The following TTPA variants were observed in gnomAD, a reference collection of about 807,000 sequenced individuals.
The protein encoded by TTPA is alpha-tocopherol transfer protein.
TTPA carries 23 observed loss-of-function variants against 25.9 expected under a neutral mutation model. The observed-to-expected ratio is 0.89, with a 90% CI of 0.64 to 1.26. The LOEUF (loss-of-function observed/expected upper bound fraction) is 1.26. TTPA is among the 50% of genes most tolerant of loss of function. The pLI is 0.00. For synonymous variants in TTPA, 148 were observed against 137.3 expected (o/e 1.08, Z -0.54); for missense variants, 337 against 353.1 (o/e 0.95, Z 0.37).
At chr8:63,080,549 G>A (rs1360328645) in intron 1 of TTPA, among the ~76,000 whole-genome samples, 7 of 151,798 alleles carry the variant, frequency 4.6e-5, no homozygotes, top group South Asian at 4.2e-4. Context: ...GTGAAACCCC[G>A]TCTCTACTAA....
intron 2 of TTPA, among the ~76,000 whole-genome samples, chr8:63,069,151 C>T (rs1343270863): frequency 2.6e-5 from 4 of 151,704 alleles, no homozygotes; most frequent in Non-Finnish European, 5.9e-5. Context: ...AAGACTCTGT[C>T]TCAAAAAAAC....
In TTPA at chr8:63,061,427, T is replaced by C; in HGVS notation, c.664-2A>G. 6.2e-7 allele frequency: 1 copy of C among 1,613,872 alleles called. No individual in the cohort carries two copies. Among genetic ancestry groups the C allele is most frequent in the Non-Finnish European group, 8.5e-7 (1 of 1,179,922 alleles). ...GTAGTTGTTCCCATGCATGTGAATC[T>C]GAAATAGCCAAAACACTTTAGAAGG... On this transcript the variant is annotated splice_acceptor_variant, in intron 4 of 4. Coordinates refer to ENST00000260116, the MANE Select transcript of TTPA (RefSeq NM_000370.3). LOFTEE classifies it high-confidence loss of function.
chr8:63,059,897 G>C lies in TTPA; in HGVS notation c.*1355C>G, dbSNP rs1805276783. 1 of 151,836 alleles carries C rather than the reference G, an allele frequency of 6.6e-6. No individual in the cohort carries two copies. The highest frequency in any genetic ancestry group is 2.1e-4 in the South Asian group (1 of 4,806). The allele number at this position is 151,836 out of a possible 1,614,324, so 9.4% of individuals were successfully genotyped here. On this transcript the variant is annotated 3_prime_UTR_variant, in exon 5 of 5. Coordinates refer to ENST00000260116, the MANE Select transcript of TTPA (RefSeq NM_000370.3). ...AATAGAGACAGGGTCTCCCTGTATTGCCCAGGCTGGTCTAGAACTCCTGCG... is the reference window on the plus strand; with the variant it reads ...AATAGAGACAGGGTCTCCCTGTATTCCCCAGGCTGGTCTAGAACTCCTGCG...
At chr8:63,079,407 G>C (rs1422555085) in intron 1 of TTPA, among the ~76,000 whole-genome samples, 2 of 152,082 alleles carry the variant, frequency 1.3e-5, no homozygotes, top group African/African-American at 4.8e-5. Context: ...AAAGAGTCAA[G>C]ACCCATCAGA....
chr8:63,082,025 A>G (rs548036658), intron 1 of TTPA, among the ~76,000 whole-genome samples: 84 of 152,334 alleles, frequency 5.5e-4, no homozygotes, highest in African/African-American at 1.9e-3. Flanking sequence ...TTCCATGCTC[A>G]TGGGTAGGAA....
chr8:63,076,684 A>G (rs1244765259), intron 1 of TTPA, among the ~76,000 whole-genome samples: 1 of 152,222 alleles, frequency 6.6e-6, no homozygotes, highest in Non-Finnish European at 1.5e-5. Flanking sequence ...AAAGCAGCTA[A>G]AATGAAATTA....
chr8:63,080,893 A>G (rs2129783228), intron 1 of TTPA, among the ~76,000 whole-genome samples: 1 of 152,126 alleles, frequency 6.6e-6, no homozygotes, highest in East Asian at 1.9e-4. Flanking sequence ...TGGAAAATCT[A>G]GAAGAAATGG....
Position 63,065,886 on chromosome 8 carries a change from G to A in TTPA, c.552+18C>T, listed in dbSNP as rs200236627. 3 of 1,612,806 alleles carry A rather than the reference G, an allele frequency of 1.9e-6. No homozygotes were observed. Among genetic ancestry groups the A allele is most frequent in the African/African-American group, 2.7e-5 (2 of 74,992 alleles). On this transcript the variant is annotated intron_variant, in intron 3 of 4. Coordinates refer to ENST00000260116, the MANE Select transcript of TTPA (RefSeq NM_000370.3). Reference sequence around the variant, plus strand: ...TAATTTGGAAGTATTATGCCTGACAGTTAAAATATACATTTACCGTAAGTA... The same window carrying A: ...TAATTTGGAAGTATTATGCCTGACAATTAAAATATACATTTACCGTAAGTA...
In TTPA at chr8:63,065,956, T is replaced by A; in HGVS notation, c.500A>T (p.His167Leu). ...IFDLEGWQFS[H>L]AFQITPSVAK... ...TACGGATGGAGTGATTTGAAAAGCA[T>A]GAGAAAACTGCCAACCTTCCAGATC... Residue 167 changes from histidine (H) to leucine (L), a missense_variant, in exon 3 of 5, where the codon CAT becomes CTT. His to Leu is a moderately conservative substitution (Grantham distance 99, BLOSUM62 -3). Transcript: ENST00000260116. 6.2e-7 allele frequency: 1 copy of A among 1,613,706 alleles called. No homozygotes were observed. Among genetic ancestry groups the A allele is most frequent in the Non-Finnish European group, 8.5e-7 (1 of 1,179,632 alleles).
rs1431178085 is a variant in TTPA at position 63,061,260 on chromosome 8, T to G, written c.829A>C (p.Ile277Leu). The G allele has an allele frequency of 1.2e-6, 2 of 1,613,590 alleles. No individual in the cohort carries two copies. The highest frequency in any genetic ancestry group is 1.7e-6 in the Non-Finnish European group (2 of 1,179,894). Reference sequence around the variant, plus strand: ...TCACATGACATAACTTCTCATTGAATGCTCTCAGAAATGCTGCTGAGATAA... The same window carrying G: ...TCACATGACATAACTTCTCATTGAAGGCTCTCAGAAATGCTGCTGAGATAA... ...EDYLSSISES[I>L]Q The change falls in exon 5 of 5, where the codon ATT (isoleucine) becomes CTT (leucine). Residue 277 changes from isoleucine to leucine, a missense_variant. Transcript: ENST00000260116.
chr8:63,072,957 G>A lies in TTPA; in HGVS notation c.336C>T (p.Ser112=). The A allele has an allele frequency of 6.2e-7, 1 of 1,614,052 alleles. No individual in the cohort carries two copies. The highest frequency in any genetic ancestry group is 8.5e-7 in the Non-Finnish European group (1 of 1,180,002). Residue 112 remains serine (S), a synonymous_variant, in exon 2 of 5, where the codon AGC becomes AGT. Transcript: ENST00000260116. The part of the protein sequence containing the change: ...GVLRSRDPTG[S]KVLIYRIAHW... ...TACCGATTCTGTAAATAAGAACTTT[G>A]CTGCCAGTGGGATCCCTGGATCTCA...
At chr8:63,070,443 C>T (rs1805465968) in intron 2 of TTPA, among the ~76,000 whole-genome samples, 2 of 152,082 alleles carry the variant, frequency 1.3e-5, no homozygotes, top group Non-Finnish European at 2.9e-5. Flanking sequence ...TCTTTAGCTC[C>T]TCCCATTAAT....
chr8:63,076,065 A>G (rs1379659039), intron 1 of TTPA, among the ~76,000 whole-genome samples: 1 of 152,212 alleles, frequency 6.6e-6, no homozygotes, highest in East Asian at 1.9e-4. Flanking sequence ...TGTATTTGAC[A>G]GCGCAGGCTC....
intron 4 of TTPA, among the ~76,000 whole-genome samples, chr8:63,062,496 C>T (rs1209176645): frequency 6.6e-6 from 1 of 152,074 alleles, no homozygotes; most frequent in East Asian, 1.9e-4. Flanking sequence ...TTAGGAAACT[C>T]ACAAAGCCAA....
In TTPA at chr8:63,061,409, T is replaced by C. The variant is rs1225709120; in HGVS notation, c.680A>G (p.Asn227Ser). ...CTGAAGCAAGCTTTGTTTGTAGTTG[T>C]TCCCATGCATGTGAATCTGAAATAG... is the stretch of plus-strand genomic sequence containing the variant. ...KIKERIHMHG[N>S]NYKQSLLQHF... The change falls in exon 5 of 5, where the codon AAC becomes AGC. Residue 227 changes from asparagine to serine, a missense_variant. By Grantham distance (46) the Asn-to-Ser change is conservative (BLOSUM62 1). Coordinates refer to ENST00000260116, the MANE Select transcript of TTPA (RefSeq NM_000370.3). 3 of 1,613,956 alleles carry C rather than the reference T, an allele frequency of 1.9e-6. No individual in the cohort carries two copies. Among genetic ancestry groups the C allele is most frequent in the Non-Finnish European group, 2.5e-6 (3 of 1,179,938 alleles).
At chr8:63,070,768 C>A (rs1408897469) in intron 2 of TTPA, among the ~76,000 whole-genome samples, 5 of 152,168 alleles carry the variant, frequency 3.3e-5, no homozygotes, top group Admixed American at 6.5e-5. Context: ...ACTTTATGAA[C>A]AAACTAGACA....
At chr8:63,058,764 G>A (rs978204423), downstream of TTPA, among the ~76,000 whole-genome samples, 2 of 151,786 alleles carry the variant, frequency 1.3e-5, no homozygotes, top group African/African-American at 4.8e-5. Flanking sequence ...CCTTTATTTG[G>A]GTACTAAACT....
chr8:63,067,080 GC>G (rs1281408155), intron 2 of TTPA, among the ~76,000 whole-genome samples: 2 of 152,042 alleles, frequency 1.3e-5, no homozygotes, highest in East Asian at 3.9e-4. Context: ...TTTTAAAGAA[GC>G]GTAATAGTTT....
chr8:63,059,476 G>A (rs1356428672), downstream of TTPA, among the ~76,000 whole-genome samples: 6 of 152,030 alleles, frequency 3.9e-5, no homozygotes, highest in African/African-American at 7.2e-5. Context: ...CAGCTCACCT[G>A]ATTAAACTAA....
Sources: gnomAD v4.1 joint callset for allele counts (sites outside exome capture counted in the v4.1 genomes callset) on GRCh38, gnomAD v4.1.1 for gene constraint, MANE v1.5 for transcripts, NCBI Gene and HGNC (gene_info 2026-07-23, HGNC 2026-07-21) for gene names.